MORN2: variants seen among roughly 807,000 people sequenced by gnomAD.
MORN2 encodes MORN repeat containing 2.
A neutral mutation model predicts 13.4 loss-of-function variants in MORN2; 15 were observed. That is an observed-to-expected ratio of 1.12 (90% CI 0.75 to 1.72). The LOEUF (loss-of-function observed/expected upper bound fraction) is 1.72. Among genes scored for constraint, MORN2 ranks in the 40% most tolerant of loss-of-function variants. The pLI is 0.00. For synonymous variants in MORN2, 46 were observed against 43.6 expected, an observed-to-expected ratio of 1.06 and a Z score of -0.22; for missense variants, 168 against 134.6, an observed-to-expected ratio of 1.25 and a Z score of -1.23.
At chr2:38,878,536 A>T (rs1372261266) in intron 1 of MORN2, among the ~76,000 whole-genome samples, 10 of 151,436 alleles carry the variant, frequency 6.6e-5, no homozygotes, top group South Asian at 2.1e-4. Flanking sequence ...TAATTAAAAA[A>T]TTTTTTTTCC....
rs569572589 is a variant in MORN2 at position 38,879,644 on chromosome 2, G to A, written c.59-535G>A. On this transcript the variant is annotated intron_variant, in intron 1 of 4. Transcript: ENST00000644631. ...AGGGGTTTGGGGTTGTGGGGTGAGG[G>A]GTGTTTGAGGGGAATCATAATGGGT... is the stretch of plus-strand genomic sequence containing the variant. 3.9e-5 allele frequency among the ~76,000 whole-genome samples: 6 copies of A among 152,106 alleles called. No homozygotes were observed. In the East Asian group the frequency reaches 7.7e-4, roughly 20 times the overall value.
chr2:38,881,758 C>G (rs1387624460), intron 4 of MORN2, among the ~76,000 whole-genome samples, 180 bp downstream of exon 4: 1 of 152,184 alleles, frequency 6.6e-6, no homozygotes, highest in Non-Finnish European at 1.5e-5. Flanking sequence ...TCAAGCGATT[C>G]TCTTGCCTCA....
At chr2:38,881,153 A>G (rs1665767261) in intron 3 of MORN2, among the ~76,000 whole-genome samples, 1 of 152,192 alleles carries the variant, frequency 6.6e-6, no homozygotes, top group Non-Finnish European at 1.5e-5. Context: ...GTTGCCCTTT[A>G]AGATTTCTGA....
At chr2:38,877,143 G>T (rs1665652416) in intron 1 of MORN2, among the ~76,000 whole-genome samples, 1 of 152,284 alleles carries the variant, frequency 6.6e-6, no homozygotes, top group South Asian at 2.1e-4. Flanking sequence ...TCTGACGCCT[G>T]TAGTTCCAGC....
chr2:38,880,424 C>G (rs1044676487), intron 2 of MORN2, among the ~76,000 whole-genome samples, 176 bp from the exon 3 acceptor site: 5 of 152,194 alleles, frequency 3.3e-5, no homozygotes, highest in African/African-American at 9.7e-5. Flanking sequence ...ATCTGTCAAT[C>G]TTCCTGGCCC....
At chr2:38,877,278 A>AT (rs1273219353) in intron 1 of MORN2, among the ~76,000 whole-genome samples, 2 of 151,894 alleles carry the variant, frequency 1.3e-5, no homozygotes, top group African/African-American at 4.8e-5. Context: ...AAATAAATAA[A>AT]TAAATAAATA....
At position 38,880,586 on chromosome 2, in the gene MORN2, T is replaced by TC; in HGVS notation, c.110-13dup. The TC allele has an allele frequency of 6.8e-7, 1 of 1,475,338 alleles. No individual in the cohort carries two copies. Among genetic ancestry groups the TC allele is most frequent in the Non-Finnish European group, 9.1e-7 (1 of 1,100,250 alleles). The allele number at this position is 1,475,338 out of a possible 1,614,324, so 91.4% of individuals were successfully genotyped here. A position where few individuals can be genotyped will look rare whatever the true frequency, so the allele number is the denominator to read the frequency against. ...ATTCTCATTTATAATCTTCAGTTTT[T>TC]CTCCTCTGTTTAGATGGTGACTGTA... On this transcript the variant is annotated splice_polypyrimidine_tract_variant and intron_variant, in intron 2 of 4. Coordinates refer to ENST00000644631, the MANE Select transcript of MORN2 (RefSeq NM_001145450.3).
chr2:38,877,240 T>G (rs910144296), intron 1 of MORN2, among the ~76,000 whole-genome samples: 2 of 152,126 alleles, frequency 1.3e-5, no homozygotes, highest in Admixed American at 6.5e-5. Flanking sequence ...CACTCCAGCC[T>G]GGGCGACAGA....
intron 1 of MORN2, 22 bp from the exon 2 acceptor site, chr2:38,880,157 G>C (rs1665742496): frequency 2.5e-6 from 1 of 398,724 alleles, no homozygotes; most frequent in Non-Finnish European, 4.4e-6. Context: ...TTATGTCACT[G>C]TTTTTAAATC....
chr2:38,881,824 T>C (rs1218677377), intron 4 of MORN2, among the ~76,000 whole-genome samples: 2 of 152,180 alleles, frequency 1.3e-5, no homozygotes, highest in Non-Finnish European at 2.9e-5. Context: ...CTATTTTTTG[T>C]ATTTTCAGTA....
Position 38,876,422 on chromosome 2 carries a change from G to T in MORN2, c.58+312G>T, listed in dbSNP as rs114900932. ...CAAGTTTCGAATGTAGAACATTTTA[G>T]CGGCAATTGAAAACAGTCCAGTTTC... On this transcript the variant is annotated intron_variant, in intron 1 of 4. Coordinates refer to ENST00000644631, the MANE Select transcript of MORN2 (RefSeq NM_001145450.3). 3.7e-3 allele frequency among the ~76,000 whole-genome samples: 559 copies of T among 152,336 alleles called. 2 individuals carry two copies. Among genetic ancestry groups the T allele is most frequent in the Non-Finnish European group, 6.0e-3 (408 of 68,044 alleles).
intron 3 of MORN2, 34 bp from the exon 4 acceptor site, chr2:38,881,408 T>C: frequency 6.6e-7 from 1 of 1,509,646 alleles, no homozygotes; most frequent in Non-Finnish European, 8.8e-7. Flanking sequence ...AACTGAAGAT[T>C]AGTTTCTAAG....
chr2:38,876,100 C>T lies in MORN2; in HGVS notation c.48C>T (p.Thr16=). Reference sequence around the variant, plus strand: ...AGAGTTTGGAAGATCTCTCTAACACCTCTCGGCCAAGTGAGTGTCCCTCCT... The same window carrying T: ...AGAGTTTGGAAGATCTCTCTAACACTTCTCGGCCAAGTGAGTGTCCCTCCT... The change falls in exon 1 of 5, where the codon ACC becomes ACT. Residue 16 remains threonine, a synonymous_variant. Transcript: ENST00000644631. 5.0e-6 allele frequency: 2 copies of T among 398,796 alleles called. No homozygotes were observed. Among genetic ancestry groups the T allele is most frequent in the Non-Finnish European group, 8.8e-6 (2 of 226,194 alleles). The allele number at this position is 398,796 out of a possible 1,614,324, so 24.7% of individuals were successfully genotyped here. A position where few individuals can be genotyped will look rare whatever the true frequency, so the allele number is the denominator to read the frequency against.
chr2:38,876,245 G>T (rs919748646), intron 1 of MORN2, 135 bp downstream of exon 1: 3 of 396,308 alleles, frequency 7.6e-6, no homozygotes, highest in South Asian at 2.7e-4. Flanking sequence ...TAGCCGAGGG[G>T]CACGGGGGAA....
chr2:38,881,748 T>C (rs1665782531), intron 4 of MORN2, among the ~76,000 whole-genome samples, 170 bp downstream of exon 4: 1 of 152,140 alleles, frequency 6.6e-6, no homozygotes, highest in Non-Finnish European at 1.5e-5. Context: ...CCTCCCGGGT[T>C]CAAGCGATTC....
At chr2:38,877,686 G>C (rs112214606) in intron 1 of MORN2, among the ~76,000 whole-genome samples, 6 of 151,914 alleles carry the variant, frequency 3.9e-5, no homozygotes, top group African/African-American at 1.5e-4. Flanking sequence ...TCACTATGTT[G>C]CCCAGGCTGG....
chr2:38,880,931 G>C (rs570996494), intron 3 of MORN2, among the ~76,000 whole-genome samples: 2 of 152,270 alleles, frequency 1.3e-5, no homozygotes, highest in East Asian at 3.9e-4. Flanking sequence ...GAGTAAAGCT[G>C]AATCCGTTAC....
intron 1 of MORN2, 143 bp from the exon 2 acceptor site, chr2:38,880,036 G>T (rs1000149694): frequency 3.5e-5 from 13 of 374,932 alleles, no homozygotes; most frequent in Non-Finnish European, 6.2e-5. Flanking sequence ...GCTCACATTT[G>T]CATCCCCAGC....
At chr2:38,882,049 CATT>C (rs773590887) in intron 4 of MORN2, among the ~76,000 whole-genome samples, 2 of 152,166 alleles carry the variant, frequency 1.3e-5, no homozygotes, top group Non-Finnish European at 2.9e-5. Context: ...CCTCAAACAT[CATT>C]GATAGTGAAA....
Sources: allele counts gnomAD v4.1 joint callset (sites outside exome capture counted in the v4.1 genomes callset), GRCh38; gene constraint gnomAD v4.1.1; transcripts MANE v1.5; gene names NCBI Gene and HGNC (gene_info 2026-07-23, HGNC 2026-07-21).